The following TMEM138 variants were observed in gnomAD, a reference collection of about 807,000 sequenced individuals.
TMEM138 encodes transmembrane protein 138.
Under a neutral mutation model 18.1 loss-of-function variants are expected in TMEM138, and 9 were observed. The ratio of observed to expected loss-of-function variants is 0.50; its 90% confidence interval spans 0.30 to 0.87. The LOEUF (loss-of-function observed/expected upper bound fraction) is 0.87. Ranked by LOEUF, TMEM138 falls within the 40% of genes least tolerant of loss-of-function variation. The probability of loss-of-function intolerance (pLI) is 0.06; values close to 1 mark genes in which losing one functional copy is unlikely to be tolerated. For missense variants in TMEM138, 189 were observed against 190.6 expected (o/e 0.99, Z 0.05); for synonymous variants, 79 against 74.8 (o/e 1.06, Z -0.29).
At position 61,368,998 on chromosome 11, in the gene TMEM138, G is replaced by T. The variant is rs1001037181; in HGVS notation, c.*289G>T. On this transcript the variant is annotated 3_prime_UTR_variant, in exon 5 of 5. Coordinates refer to ENST00000278826, the MANE Select transcript of TMEM138 (RefSeq NM_016464.5). ...CCCTGACCGGCCTTTCTTGCCGAGG[G>T]TTCTGTGGCTCTTACCCTTGTGAAG... The T allele has an allele frequency of 1.9e-5, 7 of 364,312 alleles. No individual in the cohort carries two copies. The highest frequency in any genetic ancestry group is 1.2e-4 in the Admixed American group (3 of 25,384). The allele number at this position is 364,312 out of a possible 1,614,324, so 22.6% of individuals were successfully genotyped here. A position where few individuals can be genotyped will look rare whatever the true frequency, so the allele number is the denominator to read the frequency against.
At chr11:61,368,408 T>C (rs1427024493) in intron 4 of TMEM138, 189 bp from the exon 5 acceptor site, 1 of 541,846 alleles carries the variant, frequency 1.8e-6, no homozygotes, top group Non-Finnish European at 3.3e-6. Flanking sequence ...TGTGTATTTT[T>C]AGTAGAGACA....
At position 61,367,998 on chromosome 11, in the gene TMEM138, G is replaced by C; in HGVS notation, c.376G>C (p.Ala126Pro). 1 of 1,607,630 alleles carries C rather than the reference G, an allele frequency of 6.2e-7. No homozygotes were observed. The highest frequency in any genetic ancestry group is 8.5e-7 in the Non-Finnish European group (1 of 1,174,082). ...LQMLFVFQRL[A>P]AVLYCYFYKR... ...AATGCTGTTTGTATTCCAGAGACTA[G>C]GTAAGGACCAGAGCAAGGTCAGGCC... is the stretch of plus-strand genomic sequence containing the variant. Residue 126 changes from alanine (A) to proline (P), a missense_variant and splice_region_variant, in exon 4 of 5, where the codon GCA (alanine) becomes CCA (proline). Ala to Pro is a conservative substitution (Grantham distance 27). Coordinates refer to ENST00000278826, the MANE Select transcript of TMEM138 (RefSeq NM_016464.5).
At chr11:61,364,601 T>C in intron 2 of TMEM138, 83 bp downstream of exon 2, 1 of 1,575,782 alleles carries the variant, frequency 6.3e-7, no homozygotes, top group South Asian at 1.1e-5. Flanking sequence ...CTTAAAGTTA[T>C]TAGTAGGCTG....
At position 61,369,343 on chromosome 11, in the gene TMEM138, G is replaced by A. The variant is rs1451395642; in HGVS notation, c.*634G>A. The A allele has an allele frequency of 2.6e-5, 4 of 152,520 alleles. No homozygotes were observed. Among genetic ancestry groups the A allele is most frequent in the South Asian group, 2.1e-4 (1 of 4,836 alleles). 9.4% of individuals were successfully genotyped at this position (152,520 alleles called of 1,614,324 possible). On this transcript the variant is annotated 3_prime_UTR_variant, in exon 5 of 5. Coordinates refer to ENST00000278826, the MANE Select transcript of TMEM138 (RefSeq NM_016464.5). Reference sequence around the variant, plus strand: ...ACAGATCTTTGTTGAGATCCATTATGAGTACAAAGTATTTTAGCAGAAATT... The same window carrying A: ...ACAGATCTTTGTTGAGATCCATTATAAGTACAAAGTATTTTAGCAGAAATT...
chr11:61,372,663 G>A (rs933568423), downstream of TMEM138, among the ~76,000 whole-genome samples: 11 of 152,076 alleles, frequency 7.2e-5, no homozygotes, highest in African/African-American at 2.7e-4. Context: ...GCAGGCACCT[G>A]TAGTCCCAGC....
chr11:61,374,957 AAAACAAAC>A (rs771720941), downstream of TMEM138, among the ~76,000 whole-genome samples: 15 of 152,254 alleles, frequency 9.9e-5, no homozygotes, highest in Admixed American at 2.6e-4. Flanking sequence ...CTCCATCTCA[AAAACAAAC>A]AAACAAACAA....
intron 3 of TMEM138, 24 bp downstream of exon 3, chr11:61,366,240 T>C: frequency 1.3e-6 from 2 of 1,592,006 alleles, no homozygotes; most frequent in African/African-American, 1.4e-5. Context: ...TCTGAATTCT[T>C]TTTTTAATTT....
At chr11:61,368,319 G>C (rs180819861) in intron 4 of TMEM138, 2 of 513,706 alleles carry the variant, frequency 3.9e-6, no homozygotes, top group East Asian at 7.3e-5. Context: ...TCCGCCTCCC[G>C]GGTTCACACC....
chr11:61,368,525 C>G, intron 4 of TMEM138, 72 bp from the exon 5 acceptor site: 1 of 1,070,902 alleles, frequency 9.3e-7, no homozygotes, highest in South Asian at 1.3e-5. Flanking sequence ...CACGCCTGGC[C>G]AGGTTCTGTT....
At chr11:61,368,564 C>T (rs781039839) in intron 4 of TMEM138, 33 bp from the exon 5 acceptor site, 5 of 1,472,770 alleles carry the variant, frequency 3.4e-6, no homozygotes, top group Middle Eastern at 3.5e-4. Flanking sequence ...TCAGGAGCAC[C>T]CCTGAGGCTT....
downstream of TMEM138, among the ~76,000 whole-genome samples, chr11:61,376,018 A>G (rs1858430518): frequency 6.6e-6 from 1 of 152,226 alleles, no homozygotes; most frequent in Non-Finnish European, 1.5e-5. Context: ...TCTATGGAAC[A>G]AAGTTTCATC....
chr11:61,362,452 G>T (rs766209820), intron 1 of TMEM138, 32 bp downstream of exon 1: 2 of 152,294 alleles, frequency 1.3e-5, no homozygotes, highest in Non-Finnish European at 2.9e-5. Flanking sequence ...TGGGTTAAGT[G>T]ACCAGAAGTC....
downstream of TMEM138, among the ~76,000 whole-genome samples, chr11:61,374,299 C>A (rs899464592): frequency 6.6e-6 from 1 of 151,800 alleles, no homozygotes; most frequent in African/African-American, 2.4e-5. Context: ...AGGCACCCAC[C>A]ACCACACCCA....
chr11:61,366,863 C>T (rs899263691), intron 3 of TMEM138: 2 of 152,170 alleles, frequency 1.3e-5, no homozygotes, highest in African/African-American at 4.8e-5. Context: ...TGGGTTGGAG[C>T]CCTGGGCATG....
chr11:61,368,051 C>A, intron 4 of TMEM138, 53 bp downstream of exon 4: 1 of 1,240,332 alleles, frequency 8.1e-7, no homozygotes, highest in Non-Finnish European at 1.2e-6. Flanking sequence ...GTGTCTCTTT[C>A]AGTGAGGGCC....
At position 61,364,481 on chromosome 11, in the gene TMEM138, C is replaced by T. The variant is rs754060920; in HGVS notation, c.91C>T (p.Leu31Phe). The T allele has an allele frequency of 1.2e-6, 2 of 1,614,240 alleles. No homozygotes were observed. Among genetic ancestry groups the T allele is most frequent in the Non-Finnish European group, 1.7e-6 (2 of 1,180,036 alleles). Residue 31 changes from leucine (L) to phenylalanine (F), a missense_variant, in exon 2 of 5, where the codon CTC (leucine) becomes TTC (phenylalanine). Physicochemically the swap from Leu to Phe is conservative, Grantham distance 22 (BLOSUM62 0). Coordinates refer to ENST00000278826, the MANE Select transcript of TMEM138 (RefSeq NM_016464.5). ...CTTTGTCAATTCCTTCTCAGAACTG[C>T]TCCAAAAGACTCCTGTCATCCAGCT... ...DLFVNSFSEL[L>F]QKTPVIQLVL... is the part of the protein sequence containing the mutation.
rs1015310118 is a variant in TMEM138, at chr11:61,367,968, C to G, written c.346C>G (p.Leu116Val). The stretch of plus-strand genomic sequence containing the variant: ...CAACAGCTTCATATGGACAGATGGA[C>G]TTCAAATGCTGTTTGTATTCCAGAG... The part of the protein sequence containing the change: ...NSNSFIWTDG[L>V]QMLFVFQRLA... The change falls in exon 4 of 5, where the codon CTT becomes GTT. Residue 116 changes from leucine to valine, a missense_variant. Transcript: ENST00000278826. 6.2e-7 allele frequency: 1 copy of G among 1,613,528 alleles called. No homozygotes were observed. The highest frequency in any genetic ancestry group is 8.5e-7 in the Non-Finnish European group (1 of 1,179,452).
downstream of TMEM138, among the ~76,000 whole-genome samples, chr11:61,371,247 A>C (rs1374577011): frequency 1.3e-5 from 2 of 152,030 alleles, no homozygotes; most frequent in Admixed American, 6.6e-5. Context: ...GTTGGCCAGG[A>C]TGGTCTCGAT....
At chr11:61,368,071 G>A in intron 4 of TMEM138, 73 bp downstream of exon 4, 1 of 1,065,062 alleles carries the variant, frequency 9.4e-7, no homozygotes, top group South Asian at 1.3e-5. Flanking sequence ...CTTGATGCTG[G>A]CTTCCCAGAC....
Sources: gnomAD v4.1 joint callset for allele counts (sites outside exome capture counted in the v4.1 genomes callset) on GRCh38, gnomAD v4.1.1 for gene constraint, MANE v1.5 for transcripts, NCBI Gene and HGNC (gene_info 2026-07-23, HGNC 2026-07-21) for gene names.